Variants in KDM1A observed in about 807,000 individuals in gnomAD.
KDM1A encodes the protein lysine-specific histone demethylase 1A.
Under a neutral mutation model 109.4 loss-of-function variants are expected in KDM1A, and 49 were observed. That is an observed-to-expected ratio of 0.45 (90% CI 0.36 to 0.57). The LOEUF (loss-of-function observed/expected upper bound fraction) is 0.57, where lower values mean the gene tolerates loss of function less well. Among genes scored for constraint, KDM1A ranks in the 20% least tolerant of loss-of-function variants. KDM1A has a pLI of 0.00. For synonymous variants in KDM1A, 380 were observed against 415.4 expected (o/e 0.91, Z 1.04); for missense variants, 668 against 1,116.6 (o/e 0.60, Z 5.73).
chr1:23,063,346 TGACA>T (rs755250957), intron 9 of KDM1A, among the ~76,000 whole-genome samples: 4 of 152,018 alleles, frequency 2.6e-5, no homozygotes, highest in Non-Finnish European at 4.4e-5. Flanking sequence ...AGAGAAAGAA[TGACA>T]GACAGCATGT....
intron 9 of KDM1A, 114 bp downstream of exon 9, chr1:23,059,281 A>G (rs1357481320): frequency 5.2e-6 from 4 of 773,700 alleles, no homozygotes; most frequent in Admixed American, 1.8e-5. Flanking sequence ...GTGTATATAT[A>G]TATAAACTGA....
Position 23,059,246 on chromosome 1 carries a change from C to G in KDM1A, c.1167+79C>G, listed in dbSNP as rs554001219. On this transcript the variant is annotated intron_variant, in intron 9 of 20. Transcript: ENST00000400181. ...ATTTTAGGAGAATGGTATGGATGAGCATATACATATATACACATATAGAGG... is the reference window on the plus strand; with the variant it reads ...ATTTTAGGAGAATGGTATGGATGAGGATATACATATATACACATATAGAGG... The G allele has an allele frequency of 3.6e-5, 34 of 932,552 alleles. No individual in the cohort carries two copies. In the South Asian group the frequency reaches 4.6e-4, roughly 13 times the overall value. The allele number at this position is 932,552 out of a possible 1,614,324, so 57.8% of individuals were successfully genotyped here. A position where few individuals can be genotyped will look rare whatever the true frequency, so the allele number is the denominator to read the frequency against.
Position 23,037,131 on chromosome 1 carries a change from C to T in KDM1A, c.517+6497C>T, listed in dbSNP as rs554307392. On this transcript the variant is annotated intron_variant, in intron 2 of 20. Coordinates refer to ENST00000400181, the MANE Select transcript of KDM1A (RefSeq NM_001009999.3). Reference sequence around the variant, plus strand: ...ATCTCCACTAAAAAAAATATATATACACACACACACACACACACACAAATT... The same window carrying T: ...ATCTCCACTAAAAAAAATATATATATACACACACACACACACACACAAATT... 1.8e-3 allele frequency among the ~76,000 whole-genome samples: 265 copies of T among 146,284 alleles called. 3 individuals carry two copies. Among genetic ancestry groups the T allele is most frequent in the South Asian group, 0.016 (76 of 4,652 alleles).
At chr1:23,065,475 A>C (rs1377088197) in intron 9 of KDM1A, among the ~76,000 whole-genome samples, 2 of 152,216 alleles carry the variant, frequency 1.3e-5, no homozygotes, top group African/African-American at 4.8e-5. Context: ...TTAATTTCAA[A>C]GTGAAATCTT....
In KDM1A at chr1:23,072,318, G is replaced by A; in HGVS notation, c.1622+121G>A. 5 of 715,790 alleles carry A rather than the reference G, an allele frequency of 7.0e-6. No individual in the cohort carries two copies. The East Asian group carries it at 1.4e-4, about 20-fold the overall frequency. The allele number at this position is 715,790 out of a possible 1,614,324, so 44.3% of individuals were successfully genotyped here. A position where few individuals can be genotyped will look rare whatever the true frequency, so the allele number is the denominator to read the frequency against. The stretch of plus-strand genomic sequence containing the variant: ...TTATGTTCAGTGAGTGGTTTAAATT[G>A]TTAAATAAATGAATGTGTGACTACT... On this transcript the variant is annotated intron_variant, in intron 14 of 20. Coordinates refer to ENST00000400181, the MANE Select transcript of KDM1A (RefSeq NM_001009999.3).
chr1:23,077,146 T>C, intron 15 of KDM1A, 82 bp from the exon 16 acceptor site: 1 of 1,331,290 alleles, frequency 7.5e-7, no homozygotes. Flanking sequence ...AGCTTGTGTT[T>C]TCATTGTTGT....
chr1:23,074,068 C>G (rs1643394896), intron 15 of KDM1A, among the ~76,000 whole-genome samples: 1 of 152,154 alleles, frequency 6.6e-6, no homozygotes, highest in Non-Finnish European at 1.5e-5. Flanking sequence ...TCCAAATTGC[C>G]TTCCCATCAG....
chr1:23,083,134 G>C, intron 20 of KDM1A, 45 bp from the exon 21 acceptor site: 6 of 1,554,072 alleles, frequency 3.9e-6, no homozygotes, highest in Non-Finnish European at 5.3e-6. Context: ...CAAGAATAAA[G>C]GTATATGTGC....
intron 2 of KDM1A, among the ~76,000 whole-genome samples, chr1:23,042,440 ATTT>A (rs769149894): frequency 9.3e-5 from 2 of 21,556 alleles, no homozygotes; most frequent in Non-Finnish European, 1.8e-4. Flanking sequence ...GAAATATATT[ATTT>A]TTTTTTTTTT....
intron 3 of KDM1A, among the ~76,000 whole-genome samples, chr1:23,048,599 A>G (rs187373455): frequency 1.3e-5 from 2 of 152,142 alleles, no homozygotes; most frequent in East Asian, 3.9e-4. Context: ...TAAGAATAGT[A>G]TTTCTTAATG....
chr1:23,077,246 A>G lies in KDM1A; in HGVS notation c.1753A>G (p.Thr585Ala). ...HWDQDDDFEF[T>A]GSHLTVRNGY... ...TCTTTAGGATGATGACTTTGAGTTC[A>G]CTGGCAGCCACCTGACAGTAAGGAA... Residue 585 changes from threonine (T) to alanine (A), a missense_variant, in exon 16 of 21, where the codon ACT becomes GCT. Physicochemically the swap from Thr to Ala is moderately conservative, Grantham distance 58. Transcript: ENST00000400181. 1.2e-6 allele frequency: 2 copies of G among 1,614,006 alleles called. No homozygotes were observed. Among genetic ancestry groups the G allele is most frequent in the Non-Finnish European group, 1.7e-6 (2 of 1,179,910 alleles).
At chr1:23,050,626 T>A in intron 4 of KDM1A, 106 bp downstream of exon 4, 1 of 884,102 alleles carries the variant, frequency 1.1e-6, no homozygotes, top group South Asian at 2.8e-5. Context: ...TAAAATTATC[T>A]ATAATACTAT....
intron 9 of KDM1A, among the ~76,000 whole-genome samples, chr1:23,063,006 A>G (rs1169161806): frequency 6.6e-6 from 1 of 152,158 alleles, no homozygotes; most frequent in Non-Finnish European, 1.5e-5. Context: ...TTCATATTTC[A>G]GGGAACATTT....
intron 2 of KDM1A, among the ~76,000 whole-genome samples, chr1:23,034,873 G>C (rs1642096761): frequency 6.6e-6 from 1 of 152,090 alleles, no homozygotes; most frequent in African/African-American, 2.4e-5. Context: ...TCAAGTTAAT[G>C]GATTTTTCAG....
At chr1:23,026,315 G>A (rs1641799219) in intron 1 of KDM1A, among the ~76,000 whole-genome samples, 1 of 151,854 alleles carries the variant, frequency 6.6e-6, no homozygotes, top group African/African-American at 2.4e-5. Context: ...GGGTACATGA[G>A]ATGTTATGAT....
chr1:23,077,446 T>A, intron 16 of KDM1A, 86 bp downstream of exon 16: 6 of 1,366,802 alleles, frequency 4.4e-6, no homozygotes, highest in Non-Finnish European at 6.0e-6. Context: ...CAGGTACATT[T>A]CCTGATAGAG....
intron 9 of KDM1A, among the ~76,000 whole-genome samples, chr1:23,061,244 C>G (rs1569764204): frequency 6.6e-6 from 1 of 152,122 alleles, no homozygotes; most frequent in East Asian, 1.9e-4. Context: ...ACTGTTAATT[C>G]AGATGGTGAC....
At chr1:23,077,021 A>G (rs890299349) in intron 15 of KDM1A, among the ~76,000 whole-genome samples, 1 of 150,966 alleles carries the variant, frequency 6.6e-6, no homozygotes, top group African/African-American at 2.4e-5. Context: ...CTACCCGAAG[A>G]TTTAGGGACA....
At chr1:23,028,516 T>G (rs537753889) in intron 1 of KDM1A, among the ~76,000 whole-genome samples, 2 of 152,368 alleles carry the variant, frequency 1.3e-5, no homozygotes, top group South Asian at 4.1e-4. Flanking sequence ...TCTCAAAATT[T>G]GCACATTGTC....
Sources: allele counts gnomAD v4.1 joint callset (sites outside exome capture counted in the v4.1 genomes callset), GRCh38; gene constraint gnomAD v4.1.1; transcripts MANE v1.5; gene names NCBI Gene and HGNC (gene_info 2026-07-23, HGNC 2026-07-21).